Variants in NEIL3 observed in about 807,000 individuals in gnomAD.
NEIL3 encodes the protein endonuclease 8-like 3.
Under a neutral mutation model 57.5 loss-of-function variants are expected in NEIL3, and 48 were observed. The observed-to-expected ratio is 0.83, with a 90% CI of 0.66 to 1.06. The LOEUF (loss-of-function observed/expected upper bound fraction) is 1.06, where lower values mean the gene tolerates loss of function less well. Among genes scored for constraint, NEIL3 ranks in the 50% least tolerant of loss-of-function variants. The pLI is 0.00. For missense variants in NEIL3, 717 were observed against 739.1 expected (o/e 0.97, Z 0.35); for synonymous variants, 261 against 253.2 (o/e 1.03, Z -0.29).
downstream of NEIL3, among the ~76,000 whole-genome samples, chr4:177,365,621 CTA>C (rs1185686497): frequency 2.0e-5 from 3 of 152,034 alleles, no homozygotes; most frequent in South Asian, 2.1e-4. Flanking sequence ...ATTTGAGTAA[CTA>C]TTTTGTTTTT....
At chr4:177,340,339 T>A (rs1735067902) in intron 5 of NEIL3, among the ~76,000 whole-genome samples, 1 of 152,230 alleles carries the variant, frequency 6.6e-6, no homozygotes, top group African/African-American at 2.4e-5. Flanking sequence ...TGTTTCTCTG[T>A]CTACCACAGT....
At chr4:177,349,400 G>C (rs1256894194) in intron 6 of NEIL3, among the ~76,000 whole-genome samples, 1 of 151,988 alleles carries the variant, frequency 6.6e-6, no homozygotes, top group East Asian at 1.9e-4. Flanking sequence ...CTCGCTTCCG[G>C]TGCTGCCAGC....
chr4:177,324,011 T>C (rs890147254), intron 2 of NEIL3, among the ~76,000 whole-genome samples: 1 of 152,192 alleles, frequency 6.6e-6, no homozygotes, highest in African/African-American at 2.4e-5. Flanking sequence ...TAACAACTAT[T>C]GGATGTAACA....
the NEIL3 span, among the ~76,000 whole-genome samples, chr4:177,369,268 T>C: frequency 6.6e-6 from 1 of 152,128 alleles, no homozygotes; most frequent in Non-Finnish European, 1.5e-5. Flanking sequence ...TTTGCATACG[T>C]AGAAGGGCAT....
rs1432203172 is a variant in NEIL3 at position 177,322,596 on chromosome 4, A to G, written c.278+16A>G. 4 of 1,613,664 alleles carry G rather than the reference A, an allele frequency of 2.5e-6. No individual in the cohort carries two copies. Among genetic ancestry groups the G allele is most frequent in the Non-Finnish European group, 3.4e-6 (4 of 1,179,636 alleles). ...AAGCTTTACGGTAAGATAAGCCTGTACGATACATCTTATCTCTCTATATTT... is the reference window on the plus strand; with the variant it reads ...AAGCTTTACGGTAAGATAAGCCTGTGCGATACATCTTATCTCTCTATATTT... On this transcript the variant is annotated intron_variant, in intron 2 of 9. Coordinates refer to ENST00000264596, the MANE Select transcript of NEIL3 (RefSeq NM_018248.3).
At chr4:177,356,122 A>G (rs1456340919) in intron 8 of NEIL3, among the ~76,000 whole-genome samples, 1 of 152,196 alleles carries the variant, frequency 6.6e-6, no homozygotes, top group East Asian at 1.9e-4. Flanking sequence ...CTTAAGTGGA[A>G]AGTAGAAGTG....
At chr4:177,338,024 T>TCTCTCACA (rs71597499) in intron 4 of NEIL3, among the ~76,000 whole-genome samples, 3 of 149,366 alleles carry the variant, frequency 2.0e-5, no homozygotes, top group African/African-American at 7.4e-5. Context: ...TCTCTCTCTC[T>TCTCTCACA]CACACACACA....
At position 177,353,696 on chromosome 4, in the gene NEIL3, G is replaced by A; in HGVS notation, c.1428G>A (p.Glu476=). The change falls in exon 8 of 10, where the codon GAG becomes GAA. Residue 476 remains glutamate (E), a synonymous_variant. Transcript: ENST00000264596. ...KPKTAQYSSP[E]LKSCNPGYSN... ...AAACAGCCCAATACTCATCACCAGA[G>A]CTTAAAAGCTGCAACCCTGGATATT... The A allele has an allele frequency of 6.2e-7, 1 of 1,612,498 alleles. No homozygotes were observed. Among genetic ancestry groups the A allele is most frequent in the Non-Finnish European group, 8.5e-7 (1 of 1,179,672 alleles).
chr4:177,310,041 A>T lies in NEIL3; in HGVS notation c.88A>T (p.Ser30Cys). The change falls in exon 1 of 10, where the codon AGC (serine) becomes TGC (cysteine). Residue 30 changes from serine to cysteine, a missense_variant. Physicochemically the swap from Ser to Cys is moderately radical, Grantham distance 112 (BLOSUM62 -1). Transcript: ENST00000264596. Reference protein sequence around the residue: ...PGQAVTGVRGSALRSLQGRAL... With the variant: ...PGQAVTGVRGCALRSLQGRAL... ...CCAGGCGGTGACCGGCGTGCGGGGA[A>T]GCGCTCTGCGGAGTCTGCAGGGCCG... The T allele has an allele frequency of 6.2e-7, 1 of 1,609,910 alleles. No homozygotes were observed. Among genetic ancestry groups the T allele is most frequent in the Non-Finnish European group, 8.5e-7 (1 of 1,178,808 alleles).
chr4:177,318,464 G>A (rs773267416), intron 1 of NEIL3, among the ~76,000 whole-genome samples: 7 of 152,170 alleles, frequency 4.6e-5, no homozygotes, highest in African/African-American at 1.7e-4. Context: ...AGATTTGGGC[G>A]TTTTGATAAT....
intron 1 of NEIL3, among the ~76,000 whole-genome samples, chr4:177,311,626 G>A (rs1734476212): frequency 6.7e-6 from 1 of 149,376 alleles, no homozygotes; most frequent in Non-Finnish European, 1.5e-5. Flanking sequence ...GTGAGCTGAG[G>A]TCGCGTTATT....
In NEIL3 at chr4:177,335,770, G is replaced by A; in HGVS notation, c.361G>A (p.Val121Met). The A allele has an allele frequency of 6.3e-7, 1 of 1,588,500 alleles. No homozygotes were observed. Among genetic ancestry groups the A allele is most frequent in the Non-Finnish European group, 8.5e-7 (1 of 1,170,926 alleles). The change falls in exon 3 of 10, where the codon GTG becomes ATG. Residue 121 changes from valine (V) to methionine (M), a missense_variant. Transcript: ENST00000264596. ...YKNGASPVLE[V>M]QLTKDLICFF... ...AAATGGAGCTTCTCCTGTTTTGGAA[G>A]TGCAGCTCACCAAAGATTTGATTTG... is the stretch of plus-strand genomic sequence containing the variant.
intron 8 of NEIL3, among the ~76,000 whole-genome samples, chr4:177,355,415 A>G (rs898098276): frequency 1.3e-5 from 2 of 152,284 alleles, no homozygotes; most frequent in South Asian, 4.1e-4. Flanking sequence ...TATTTAACTC[A>G]TCTCTGCATT....
the NEIL3 span, among the ~76,000 whole-genome samples, chr4:177,370,715 A>G: frequency 6.6e-6 from 1 of 152,166 alleles, no homozygotes; most frequent in Non-Finnish European, 1.5e-5. Flanking sequence ...AGCCTGGCCA[A>G]CACGGTAAAA....
At chr4:177,367,544 G>A (rs537579333), downstream of NEIL3, among the ~76,000 whole-genome samples, 7 of 152,076 alleles carry the variant, frequency 4.6e-5, no homozygotes, top group African/African-American at 9.7e-5. Context: ...GGAGGGAAGC[G>A]GTTGCTATTG....
chr4:177,358,970 A>G (rs1168959806), intron 8 of NEIL3, among the ~76,000 whole-genome samples: 1 of 152,230 alleles, frequency 6.6e-6, no homozygotes, highest in African/African-American at 2.4e-5. Flanking sequence ...AGCATTGTTT[A>G]TGAACCACTT....
intron 9 of NEIL3, among the ~76,000 whole-genome samples, chr4:177,361,183 G>A (rs1735601655): frequency 6.6e-6 from 1 of 152,174 alleles, no homozygotes; most frequent in Non-Finnish European, 1.5e-5. Flanking sequence ...AGCTATAGGC[G>A]ATTCCTCCTG....
intron 5 of NEIL3, 107 bp from the exon 6 acceptor site, chr4:177,341,369 A>G (rs1735087397): frequency 7.1e-6 from 6 of 843,890 alleles, no homozygotes; most frequent in Non-Finnish European, 1.1e-5. Flanking sequence ...AACATATGTA[A>G]ATTTTTAGCA....
chr4:177,313,932 C>T (rs1382412517), intron 1 of NEIL3, among the ~76,000 whole-genome samples: 1 of 152,082 alleles, frequency 6.6e-6, no homozygotes, highest in Non-Finnish European at 1.5e-5. Context: ...TTTTGTTGTG[C>T]ATGTTATATG....
Sources: allele counts gnomAD v4.1 joint callset (sites outside exome capture counted in the v4.1 genomes callset), GRCh38; gene constraint gnomAD v4.1.1; transcripts MANE v1.5; gene names NCBI Gene and HGNC (gene_info 2026-07-23, HGNC 2026-07-21).